FAM78B: variants seen among roughly 807,000 people sequenced by gnomAD.
FAM78B encodes protein FAM78B.
A neutral mutation model predicts 20.0 loss-of-function variants in FAM78B; 10 were observed. The observed-to-expected ratio is 0.50, with a 90% confidence interval of 0.31 to 0.85. The LOEUF (loss-of-function observed/expected upper bound fraction) is 0.85, where lower values mean the gene tolerates loss of function less well. Ranked by LOEUF, FAM78B falls within the 40% of genes least tolerant of loss-of-function variation. FAM78B has a pLI of 0.05. For synonymous variants in FAM78B, 135 were observed against 132.8 expected (o/e 1.02, Z -0.12); for missense variants, 283 against 345.0 (o/e 0.82, Z 1.42).
chr1:166,132,159 CAT>C (rs1039930925), intron 1 of FAM78B, among the ~76,000 whole-genome samples: 6 of 152,138 alleles, frequency 3.9e-5, no homozygotes, highest in Non-Finnish European at 7.4e-5. Context: ...GTAAATATGA[CAT>C]GTTTAGTGAT....
intron 1 of FAM78B, among the ~76,000 whole-genome samples, chr1:166,072,196 C>A (rs751413359): frequency 1.8e-4 from 27 of 152,082 alleles, no homozygotes; most frequent in Non-Finnish European, 3.1e-4. Context: ...ATCTCAGCAC[C>A]CTTACTATCA....
intron 1 of FAM78B, among the ~76,000 whole-genome samples, chr1:166,116,499 T>C (rs778247452): frequency 1.3e-5 from 2 of 152,138 alleles, no homozygotes; most frequent in South Asian, 4.2e-4. Flanking sequence ...GAAGGTACTT[T>C]GGGGGAGTAA....
chr1:166,083,706 G>A (rs1652674237), intron 1 of FAM78B, among the ~76,000 whole-genome samples: 2 of 150,456 alleles, frequency 1.3e-5, no homozygotes, highest in Non-Finnish European at 2.9e-5. Context: ...GTTTCACTAT[G>A]TTGATCAGGA....
chr1:166,070,945 T>C (rs1332723216), intron 1 of FAM78B, among the ~76,000 whole-genome samples, 182 bp from the exon 2 acceptor site: 1 of 152,102 alleles, frequency 6.6e-6, no homozygotes, highest in Non-Finnish European at 1.5e-5. Flanking sequence ...CAAACCAAAA[T>C]AAAAATAACA....
chr1:166,061,517 A>G lies in FAM78B; in HGVS notation c.*410-854T>C, dbSNP rs898043969. Among the ~76,000 whole-genome samples, 10 of 152,222 alleles carry G rather than the reference A, an allele frequency of 6.6e-5. No homozygotes were observed. In the East Asian group the frequency reaches 9.6e-4, roughly 15 times the overall value. ...AACCAAATTTCAAATTCTTAGGCAGATGGTAAAAAAAACTTGTTCCAATTG... is the reference window on the plus strand; with the variant it reads ...AACCAAATTTCAAATTCTTAGGCAGGTGGTAAAAAAAACTTGTTCCAATTG... On this transcript the variant is annotated intron_variant and NMD_transcript_variant, in intron 2 of 2. Transcript: ENST00000435676.
chr1:166,082,483 G>A (rs1652621296), intron 1 of FAM78B: 1 of 152,240 alleles, frequency 6.6e-6, no homozygotes, highest in Non-Finnish European at 1.5e-5. Flanking sequence ...TTGGGATTAT[G>A]GGCATAAGCC....
chr1:166,157,293 T>C (rs573547371), intron 1 of FAM78B, among the ~76,000 whole-genome samples: 3 of 151,936 alleles, frequency 2.0e-5, no homozygotes, highest in Non-Finnish European at 2.9e-5. Flanking sequence ...ATAACGAGCA[T>C]GCTCTGTAAT....
chr1:166,089,419 G>C (rs1652978066), intron 1 of FAM78B, among the ~76,000 whole-genome samples: 1 of 152,160 alleles, frequency 6.6e-6, no homozygotes, highest in African/African-American at 2.4e-5. Flanking sequence ...TAGCGACAAG[G>C]GGCAAGAGGA....
At chr1:166,074,430 ATCT>A (rs1652186747) in intron 1 of FAM78B, among the ~76,000 whole-genome samples, 1 of 152,118 alleles carries the variant, frequency 6.6e-6, no homozygotes, top group Non-Finnish European at 1.5e-5. Flanking sequence ...TATTATAACG[ATCT>A]GTATGTCTTT....
intron 1 of FAM78B, among the ~76,000 whole-genome samples, chr1:166,104,735 C>G (rs143406465): frequency 6.6e-6 from 1 of 152,182 alleles, no homozygotes; most frequent in African/African-American, 2.4e-5. Context: ...ACATTCCATG[C>G]TCATGGGTAG....
At chr1:166,119,309 C>T (rs1654378167) in intron 1 of FAM78B, among the ~76,000 whole-genome samples, 1 of 152,182 alleles carries the variant, frequency 6.6e-6, no homozygotes. Context: ...CAGTTGTCTT[C>T]AATTCCTTCA....
rs147950899 is a variant in FAM78B at position 166,070,628 on chromosome 1, C to T, written c.399G>A (p.Arg133=). The T allele has an allele frequency of 6.2e-7, 1 of 1,613,638 alleles. No individual in the cohort carries two copies. The highest frequency in any genetic ancestry group is 1.3e-5 in the African/African-American group (1 of 74,896). ...AGTTGTCATTCATGCTGACGGAGAA[C>T]CTGGAGATCTTGTTGGTGGGGCCAA... The part of the protein sequence containing the change: ...TLVGPTNKIS[R]FSVSMNDNFY... The change falls in exon 2 of 2, where the codon AGG becomes AGA. Residue 133 remains arginine (R), a synonymous_variant. Transcript: ENST00000354422.
intron 1 of FAM78B, among the ~76,000 whole-genome samples, chr1:166,115,182 A>C (rs548832314): frequency 6.6e-6 from 1 of 152,334 alleles, no homozygotes; most frequent in East Asian, 1.9e-4. Flanking sequence ...CAAAGCTCCC[A>C]CTTCTCAGGG....
rs115378456 is a variant in FAM78B, at chr1:166,121,758, T to C, written c.263+44228A>G. Among the ~76,000 whole-genome samples the C allele has an allele frequency of 3.4e-3, 511 of 152,296 alleles. 3 individuals carry two copies. The highest frequency in any genetic ancestry group is 0.012 in the African/African-American group (481 of 41,554). On this transcript the variant is annotated intron_variant, in intron 1 of 1. Coordinates refer to ENST00000354422, the MANE Select transcript of FAM78B (RefSeq NM_001017961.5). ...AGGTACTATTACTACCGTCATTCTA[T>C]AGATGAGGAACCTGAGACAGAGAGC...
At chr1:166,083,086 G>A (rs1652644379) in intron 1 of FAM78B, among the ~76,000 whole-genome samples, 1 of 152,192 alleles carries the variant, frequency 6.6e-6, no homozygotes, top group African/African-American at 2.4e-5. Flanking sequence ...GAGATGGGGA[G>A]TGGATGTGTG....
At chr1:166,143,053 G>A (rs781598832) in intron 1 of FAM78B, among the ~76,000 whole-genome samples, 27 of 152,162 alleles carry the variant, frequency 1.8e-4, no homozygotes, top group South Asian at 4.1e-4. Flanking sequence ...GGAGCTGTGA[G>A]ATGTTGGGCA....
intron 1 of FAM78B, among the ~76,000 whole-genome samples, chr1:166,128,863 G>T (rs1470957510): frequency 6.6e-6 from 1 of 152,128 alleles, no homozygotes; most frequent in Non-Finnish European, 1.5e-5. Flanking sequence ...TGAGTGTCCT[G>T]GGAGCCATTA....
downstream of FAM78B, among the ~76,000 whole-genome samples, chr1:166,066,611 T>A (rs1197353554): frequency 6.6e-6 from 1 of 152,172 alleles, no homozygotes; most frequent in African/African-American, 2.4e-5. Flanking sequence ...TATCTGAAAA[T>A]GGGAATAATA....
chr1:166,138,654 T>C (rs953910808), intron 1 of FAM78B, among the ~76,000 whole-genome samples: 1 of 152,218 alleles, frequency 6.6e-6, no homozygotes, highest in Non-Finnish European at 1.5e-5. Context: ...TTCTAAGTAC[T>C]AAACGTATTC....
Sources: gnomAD v4.1 joint callset for allele counts (sites outside exome capture counted in the v4.1 genomes callset) on GRCh38, gnomAD v4.1.1 for gene constraint, MANE v1.5 for transcripts, NCBI Gene and HGNC (gene_info 2026-07-23, HGNC 2026-07-21) for gene names.